SAMD12: variants seen among roughly 807,000 people sequenced by gnomAD.
The protein encoded by SAMD12 is sterile alpha motif domain-containing protein 12.
A neutral mutation model predicts 15.0 loss-of-function variants in SAMD12; 9 were observed. The observed-to-expected ratio is 0.60, with a 90% CI of 0.36 to 1.05. The LOEUF (loss-of-function observed/expected upper bound fraction) is 1.05. SAMD12 is among the 50% of genes least tolerant of loss of function. The probability of loss-of-function intolerance (pLI) is 0.01; values close to 1 mark genes in which losing one functional copy is unlikely to be tolerated. For synonymous variants in SAMD12, 86 were observed against 90.1 expected (o/e 0.96, Z 0.25); for missense variants, 230 against 234.2 (o/e 0.98, Z 0.12).
At chr8:118,209,389 G>A (rs1488142017) in intron 4 of SAMD12, among the ~76,000 whole-genome samples, 4 of 152,194 alleles carry the variant, frequency 2.6e-5, no homozygotes, top group Non-Finnish European at 5.9e-5. Flanking sequence ...TCTTCCCTGG[G>A]CTGGTGGGTA....
At chr8:118,285,266 G>T (rs995355098) in intron 4 of SAMD12, among the ~76,000 whole-genome samples, 3 of 151,900 alleles carry the variant, frequency 2.0e-5, no homozygotes, top group Non-Finnish European at 4.4e-5. Flanking sequence ...CTGCACAGTG[G>T]GTACCCATGA....
intron 4 of SAMD12, among the ~76,000 whole-genome samples, chr8:118,355,704 A>C (rs1818196496): frequency 6.6e-6 from 1 of 152,214 alleles, no homozygotes; most frequent in African/African-American, 2.4e-5. Flanking sequence ...AAAACATTAG[A>C]AATGATTCTC....
chr8:118,502,999 A>G (rs1355648678), intron 2 of SAMD12, among the ~76,000 whole-genome samples: 2 of 152,258 alleles, frequency 1.3e-5, no homozygotes, highest in Non-Finnish European at 1.5e-5. Flanking sequence ...AGCACTATAA[A>G]TAACCATGCA....
intron 2 of SAMD12, among the ~76,000 whole-genome samples, chr8:118,567,022 G>A (rs1826872045): frequency 2.6e-5 from 4 of 152,062 alleles, no homozygotes; most frequent in Admixed American, 1.3e-4. Flanking sequence ...GAGGATAAAG[G>A]TGATAGCAAA....
At chr8:118,376,555 G>A (rs1819397087), downstream of SAMD12, among the ~76,000 whole-genome samples, 1 of 152,092 alleles carries the variant, frequency 6.6e-6, no homozygotes, top group Non-Finnish European at 1.5e-5. Context: ...AGAAATTTTT[G>A]TTGTTTATAA....
At chr8:118,542,795 T>C (rs1006832410) in intron 2 of SAMD12, among the ~76,000 whole-genome samples, 3 of 152,224 alleles carry the variant, frequency 2.0e-5, no homozygotes, top group Admixed American at 6.5e-5. Context: ...CAAAAGAATC[T>C]TGTGCATGTA....
intron 4 of SAMD12, among the ~76,000 whole-genome samples, chr8:118,253,307 T>C (rs1375474563): frequency 6.6e-6 from 1 of 152,186 alleles, no homozygotes; most frequent in Non-Finnish European, 1.5e-5. Flanking sequence ...TCCCAAGTTC[T>C]GAGTTGTAGA....
intron 4 of SAMD12, among the ~76,000 whole-genome samples, chr8:118,200,403 CAA>C (rs35465667): frequency 0.11 from 12,848 of 114,230 alleles, 680 homozygotes; most frequent in South Asian, 0.17. Context: ...ATTAGAGTAC[CAA>C]AAAAAAAAAA....
chr8:118,171,693 G>C, the SAMD12 span, among the ~76,000 whole-genome samples: 1 of 150,620 alleles, frequency 6.6e-6, no homozygotes, highest in African/African-American at 2.4e-5. Flanking sequence ...GAGGAGGCTT[G>C]GAGAGAATGG....
intron 3 of SAMD12, among the ~76,000 whole-genome samples, chr8:118,388,706 G>T (rs971993575): frequency 6.7e-6 from 1 of 148,570 alleles, no homozygotes; most frequent in Non-Finnish European, 1.5e-5. Context: ...ACATTTCTTT[G>T]CTGGGATCGT....
At chr8:118,468,974 T>C (rs1179750890) in intron 2 of SAMD12, among the ~76,000 whole-genome samples, 1 of 152,216 alleles carries the variant, frequency 6.6e-6, no homozygotes, top group Non-Finnish European at 1.5e-5. Context: ...TGCTGGATTT[T>C]ACTCCTTTCC....
intron 3 of SAMD12, among the ~76,000 whole-genome samples, chr8:118,419,989 T>A (rs1277770760): frequency 6.6e-6 from 1 of 152,172 alleles, no homozygotes; most frequent in African/African-American, 2.4e-5. Flanking sequence ...TGGAAGAACC[T>A]TGGAGAAGAG....
At chr8:118,469,150 A>G (rs1823685830) in intron 2 of SAMD12, among the ~76,000 whole-genome samples, 1 of 151,860 alleles carries the variant, frequency 6.6e-6, no homozygotes, top group African/African-American at 2.4e-5. Flanking sequence ...TTTTAAAACT[A>G]CCCATGCCAT....
intron 1 of SAMD12, among the ~76,000 whole-genome samples, chr8:118,615,203 C>T (rs962349555): frequency 6.6e-6 from 1 of 152,128 alleles, no homozygotes; most frequent in Non-Finnish European, 1.5e-5. Context: ...GCCCTTTCCC[C>T]GATTCCCACC....
At chr8:118,137,069 C>A in the SAMD12 span, among the ~76,000 whole-genome samples, 1 of 152,232 alleles carries the variant, frequency 6.6e-6, no homozygotes, top group East Asian at 1.9e-4. Context: ...TGAAAGCACA[C>A]TCCACAGAGT....
At chr8:118,134,600 G>A in the SAMD12 span, among the ~76,000 whole-genome samples, 6 of 152,264 alleles carry the variant, frequency 3.9e-5, no homozygotes, top group African/African-American at 1.4e-4. Flanking sequence ...AGCAGGGAGG[G>A]TCCAGCAATG....
chr8:118,315,761 G>A (rs902597458), intron 4 of SAMD12, among the ~76,000 whole-genome samples: 8 of 152,152 alleles, frequency 5.3e-5, no homozygotes, highest in Non-Finnish European at 1.2e-4. Context: ...CTAGGAAGGG[G>A]CTGAGGAAGG....
intron 2 of SAMD12, among the ~76,000 whole-genome samples, chr8:118,480,552 G>C (rs115372035): frequency 0.013 from 1,958 of 152,280 alleles, 44 homozygotes; most frequent in African/African-American, 0.045. Flanking sequence ...TAATCATTAA[G>C]TAACCCAATG....
chr8:118,325,033 G>A (rs1816501409), intron 4 of SAMD12, among the ~76,000 whole-genome samples: 1 of 152,172 alleles, frequency 6.6e-6, no homozygotes, highest in African/African-American at 2.4e-5. Context: ...AAACATGACT[G>A]GGAAGAGATG....
Sources: allele counts gnomAD v4.1 joint callset (sites outside exome capture counted in the v4.1 genomes callset), GRCh38; gene constraint gnomAD v4.1.1; transcripts MANE v1.5; gene names NCBI Gene and HGNC (gene_info 2026-07-23, HGNC 2026-07-21).